The following CDK14 variants were observed in gnomAD, a reference collection of about 807,000 sequenced individuals.
The protein encoded by CDK14 is cyclin-dependent kinase 14.
Under a neutral mutation model 60.7 loss-of-function variants are expected in CDK14, and 34 were observed. The observed-to-expected ratio is 0.56, with a 90% CI of 0.43 to 0.75. The LOEUF (loss-of-function observed/expected upper bound fraction) is 0.75, where lower values mean the gene tolerates loss of function less well. Ranked by LOEUF, CDK14 falls within the 30% of genes least tolerant of loss-of-function variation. The pLI, the probability that CDK14 is intolerant of heterozygous loss-of-function variation, is 0.00. For synonymous variants in CDK14, 197 were observed against 203.7 expected, an observed-to-expected ratio of 0.97 and a Z score of 0.28; for missense variants, 482 against 564.1, an observed-to-expected ratio of 0.85 and a Z score of 1.47.
intron 14 of CDK14, among the ~76,000 whole-genome samples, chr7:91,189,633 T>C (rs910414188): frequency 2.6e-5 from 4 of 152,186 alleles, no homozygotes; most frequent in Non-Finnish European, 4.4e-5. Context: ...ATTTGGAAAC[T>C]TTCCTATTGC....
chr7:90,900,188 A>G (rs1357761786), intron 7 of CDK14, among the ~76,000 whole-genome samples: 1 of 150,140 alleles, frequency 6.7e-6, no homozygotes, highest in Non-Finnish European at 1.5e-5. Flanking sequence ...AAGTTAATAG[A>G]GGCTTTTGTA....
intron 10 of CDK14, among the ~76,000 whole-genome samples, chr7:91,024,344 T>C (rs1178526398): frequency 6.6e-6 from 1 of 152,110 alleles, no homozygotes; most frequent in Non-Finnish European, 1.5e-5. Flanking sequence ...GAGTTTAAAT[T>C]ACTGGGTTCA....
intron 5 of CDK14, among the ~76,000 whole-genome samples, chr7:90,837,789 G>T (rs1332077499): frequency 2.6e-5 from 4 of 152,132 alleles, no homozygotes; most frequent in Admixed American, 2.6e-4. Context: ...AGGGGCATAT[G>T]GGCACCATCT....
At chr7:90,907,990 G>C (rs1020800310) in intron 7 of CDK14, among the ~76,000 whole-genome samples, 1 of 152,040 alleles carries the variant, frequency 6.6e-6, no homozygotes, top group Non-Finnish European at 1.5e-5. Context: ...TACTACACAT[G>C]ACTGTGAATA....
chr7:91,186,476 C>A (rs1319839943), intron 14 of CDK14, among the ~76,000 whole-genome samples: 1 of 151,450 alleles, frequency 6.6e-6, no homozygotes, highest in Non-Finnish European at 1.5e-5. Flanking sequence ...CAGCAACATA[C>A]AAGGATCCCA....
At chr7:90,698,125 TAAAA>T (rs1414817439) in intron 2 of CDK14, among the ~76,000 whole-genome samples, 1 of 149,514 alleles carries the variant, frequency 6.7e-6, no homozygotes, top group Non-Finnish European at 1.5e-5. Flanking sequence ...GTATGTCAAT[TAAAA>T]AAAGTACTTA....
intron 2 of CDK14, among the ~76,000 whole-genome samples, chr7:90,712,863 T>C (rs906044339): frequency 2.0e-5 from 3 of 152,090 alleles, no homozygotes; most frequent in African/African-American, 7.2e-5. Flanking sequence ...AGACTGATCA[T>C]GTTGAGGTCT....
At chr7:91,092,987 A>G (rs1239219307) in intron 12 of CDK14, among the ~76,000 whole-genome samples, 3 of 152,200 alleles carry the variant, frequency 2.0e-5, no homozygotes, top group Non-Finnish European at 4.4e-5. Flanking sequence ...GAGTAAATAA[A>G]TTATTTGCCA....
chr7:91,062,183 T>A (rs907451374), intron 11 of CDK14, among the ~76,000 whole-genome samples: 6 of 152,156 alleles, frequency 3.9e-5, no homozygotes, highest in African/African-American at 1.4e-4. Flanking sequence ...CTCCATGGGC[T>A]TAGGACCCTC....
At chr7:90,820,993 T>C (rs1231888036) in intron 5 of CDK14, among the ~76,000 whole-genome samples, 1 of 152,226 alleles carries the variant, frequency 6.6e-6, no homozygotes, top group African/African-American at 2.4e-5. Context: ...AGAGTTTTCA[T>C]CAAAATGGCT....
intron 2 of CDK14, among the ~76,000 whole-genome samples, chr7:90,726,062 G>C (rs1802620943): frequency 1.3e-5 from 2 of 152,162 alleles, no homozygotes; most frequent in African/African-American, 4.8e-5. Flanking sequence ...ATGAAATCAA[G>C]ATGGGGACAG....
At chr7:90,608,632 C>A in intron 2 of CDK14, 1 of 677,016 alleles carries the variant, frequency 1.5e-6, no homozygotes, top group Non-Finnish European at 1.8e-6. Context: ...CAAAGAATTT[C>A]ATATGTTTAT....
intron 6 of CDK14, among the ~76,000 whole-genome samples, chr7:90,895,929 A>T (rs990054832): frequency 6.6e-5 from 10 of 151,670 alleles, no homozygotes; most frequent in Non-Finnish European, 1.5e-4. Context: ...CTCACTTAAT[A>T]AAAAAAATCA....
In CDK14 at chr7:90,659,194, A is replaced by G. The variant is rs536519100; in HGVS notation, c.123+54945A>G. ...TCATTATATATAAAGTGGCATTCCCAGTGTAATCTAGACAATGGGAATCCA... is the reference window on the plus strand; with the variant it reads ...TCATTATATATAAAGTGGCATTCCCGGTGTAATCTAGACAATGGGAATCCA... On this transcript the variant is annotated intron_variant, in intron 2 of 14. Coordinates refer to ENST00000380050, the MANE Select transcript of CDK14 (RefSeq NM_001287135.2). Among the ~76,000 whole-genome samples, 14 of 152,350 alleles carry G rather than the reference A, an allele frequency of 9.2e-5. No individual in the cohort carries two copies. In the South Asian group the frequency reaches 1.4e-3, roughly 16 times the overall value.
At chr7:90,782,932 G>A (rs1433824465) in intron 4 of CDK14, among the ~76,000 whole-genome samples, 1 of 152,156 alleles carries the variant, frequency 6.6e-6, no homozygotes, top group East Asian at 1.9e-4. Context: ...TCAAGCCAGT[G>A]AGGATCTTTT....
At chr7:90,913,463 A>G (rs934835091) in intron 7 of CDK14, among the ~76,000 whole-genome samples, 4 of 152,260 alleles carry the variant, frequency 2.6e-5, no homozygotes, top group East Asian at 1.9e-4. Flanking sequence ...GATTTGAGAA[A>G]AGGCACAAAC....
At chr7:90,616,241 A>T (rs1049778953) in intron 2 of CDK14, among the ~76,000 whole-genome samples, 5 of 152,240 alleles carry the variant, frequency 3.3e-5, no homozygotes, top group Admixed American at 6.5e-5. Flanking sequence ...TTTATAACAG[A>T]GAAAAATGAG....
At chr7:90,599,006 T>G (rs1252013138) in intron 1 of CDK14, among the ~76,000 whole-genome samples, 1 of 152,142 alleles carries the variant, frequency 6.6e-6, no homozygotes, top group Non-Finnish European at 1.5e-5. Flanking sequence ...GCCCGGCCTA[T>G]CTAAGGATTT....
At chr7:90,641,652 G>C (rs1800336954) in intron 2 of CDK14, among the ~76,000 whole-genome samples, 1 of 115,146 alleles carries the variant, frequency 8.7e-6, no homozygotes, top group East Asian at 2.5e-4. Flanking sequence ...ATGATGGGGT[G>C]GGGTGGGGGA....
Sources: gnomAD v4.1 joint callset for allele counts (sites outside exome capture counted in the v4.1 genomes callset) on GRCh38, gnomAD v4.1.1 for gene constraint, MANE v1.5 for transcripts, NCBI Gene and HGNC (gene_info 2026-07-23, HGNC 2026-07-21) for gene names.